The following SLC25A37 variants were observed in gnomAD, a reference collection of about 807,000 sequenced individuals.
SLC25A37 encodes the protein solute carrier family 25 member 37, also known as mitoferrin-1.
SLC25A37 carries 17 observed loss-of-function variants against 31.0 expected under a neutral mutation model. The observed-to-expected ratio is 0.55, with a 90% CI of 0.38 to 0.82. SLC25A37 has a LOEUF of 0.82. Among genes scored for constraint, SLC25A37 ranks in the 40% least tolerant of loss-of-function variants. The probability of loss-of-function intolerance (pLI) is 0.00; values close to 1 mark genes in which losing one functional copy is unlikely to be tolerated. For missense variants in SLC25A37, 404 were observed against 465.8 expected (o/e 0.87, Z 1.22); for synonymous variants, 222 against 193.0 (o/e 1.15, Z -1.24).
At chr8:23,554,440 G>T (rs776336835) in intron 1 of SLC25A37, among the ~76,000 whole-genome samples, 1 of 152,132 alleles carries the variant, frequency 6.6e-6, no homozygotes. Flanking sequence ...TTTCTGTCTC[G>T]CAGTGAGGTC....
In SLC25A37 at chr8:23,532,955, C is replaced by T. The variant is rs568904061; in HGVS notation, c.210+3743C>T. Among the ~76,000 whole-genome samples, 11 of 152,320 alleles carry T rather than the reference C, an allele frequency of 7.2e-5. No homozygotes were observed. The East Asian group carries it at 7.7e-4, about 11-fold the overall frequency. The stretch of plus-strand genomic sequence containing the variant: ...TCCATGCCATTCAGCTTCAGAAGGG[C>T]GTGAAATCCCAAATTGCTCTAGTTC... On this transcript the variant is annotated intron_variant, in intron 1 of 3. Coordinates refer to ENST00000519973, the MANE Select transcript of SLC25A37 (RefSeq NM_016612.4).
chr8:23,553,823 C>T (rs1802293173), intron 1 of SLC25A37, among the ~76,000 whole-genome samples: 1 of 152,178 alleles, frequency 6.6e-6, no homozygotes, highest in African/African-American at 2.4e-5. Context: ...GGGCTGTTGA[C>T]TTTGCCTGTA....
At chr8:23,554,761 G>A (rs917252541) in intron 1 of SLC25A37, among the ~76,000 whole-genome samples, 2 of 152,232 alleles carry the variant, frequency 1.3e-5, no homozygotes, top group Non-Finnish European at 2.9e-5. Flanking sequence ...TGTGATGTTA[G>A]TGGTGGCCTG....
chr8:23,532,593 G>T (rs1206994255), intron 1 of SLC25A37, among the ~76,000 whole-genome samples: 1 of 152,206 alleles, frequency 6.6e-6, no homozygotes, highest in African/African-American at 2.4e-5. Context: ...AAACAGGAAA[G>T]ATTTGAAGCC....
chr8:23,545,252 CGT>C (rs2117404774), intron 1 of SLC25A37, among the ~76,000 whole-genome samples: 2 of 152,306 alleles, frequency 1.3e-5, no homozygotes, highest in South Asian at 4.1e-4. Context: ...GGCTCAGATT[CGT>C]GTGTCACTTC....
chr8:23,564,506 A>C, intron 1 of SLC25A37, among the ~76,000 whole-genome samples: 1 of 145,642 alleles, frequency 6.9e-6, no homozygotes, highest in Admixed American at 6.8e-5. Flanking sequence ...GGAGGAAGGG[A>C]AGGGTGGGAG....
intron 3 of SLC25A37, chr8:23,568,862 G>A (rs1802739619): frequency 1.2e-5 from 2 of 172,000 alleles, no homozygotes. Context: ...AGAATCGCTT[G>A]AACCCAGCAG....
At chr8:23,538,522 C>T (rs1156305093) in intron 1 of SLC25A37, among the ~76,000 whole-genome samples, 1 of 108,934 alleles carries the variant, frequency 9.2e-6, no homozygotes, top group East Asian at 2.7e-4. Context: ...CGTTGTTTGT[C>T]GTGTGTGTGT....
chr8:23,559,693 C>CT (rs1802464499), intron 1 of SLC25A37, among the ~76,000 whole-genome samples: 1 of 152,174 alleles, frequency 6.6e-6, no homozygotes, highest in Non-Finnish European at 1.5e-5. Context: ...CCCCATTCCA[C>CT]TTTTTGTCTA....
In SLC25A37 at chr8:23,529,819, T is replaced by A. The variant is rs938588664; in HGVS notation, c.210+607T>A. Among the ~76,000 whole-genome samples the A allele has an allele frequency of 6.6e-6, 1 of 151,970 alleles. No homozygotes were observed. The highest frequency in any genetic ancestry group is 2.4e-5 in the African/African-American group (1 of 41,368). On this transcript the variant is annotated intron_variant, in intron 1 of 3. Transcript: ENST00000519973. The surrounding 1 kb of genome is among the most constrained non-coding windows in gnomAD (Gnocchi z 4.1). ...GCCCGTGGGATCCCCTTTCTGAGGG[T>A]TCCTGCACTTCTTCCCCCGACTTTG...
chr8:23,560,539 T>C (rs1160547015), intron 1 of SLC25A37, among the ~76,000 whole-genome samples: 1 of 152,226 alleles, frequency 6.6e-6, no homozygotes, highest in African/African-American at 2.4e-5. Context: ...GGGTGCTCCC[T>C]GCAGGCAGGT....
In SLC25A37 at chr8:23,572,740, G is replaced by A. The variant is rs10100306; in HGVS notation, c.*885G>A. 10,534 of 151,982 alleles carry A rather than the reference G, an allele frequency of 0.069. 412 individuals carry two copies. The highest frequency in any genetic ancestry group is 0.1 in the South Asian group (502 of 4,820). The allele number at this position is 151,982 out of a possible 1,614,324, so 9.4% of individuals were successfully genotyped here. On this transcript the variant is annotated 3_prime_UTR_variant, in exon 4 of 4. Transcript: ENST00000519973. ...ATTTTCTCTTGCTGTGTACACACAC[G>A]CACACATGCTGGGTGGCAGGATCTC... is the stretch of plus-strand genomic sequence containing the variant.
chr8:23,548,477 CTTTTTTTTT>C (rs143771739), intron 1 of SLC25A37, among the ~76,000 whole-genome samples: 2 of 115,990 alleles, frequency 1.7e-5, no homozygotes, highest in African/African-American at 7.1e-5. Context: ...CACGTCCGGG[CTTTTTTTTT>C]TTTTTTTTTT....
chr8:23,569,402 T>TAC (rs10608830), intron 3 of SLC25A37, among the ~76,000 whole-genome samples: 1,570 of 150,168 alleles, frequency 0.01, 13 homozygotes, highest in Non-Finnish European at 0.014. Flanking sequence ...TATGTGTGCA[T>TAC]ACACACACAC....
intron 1 of SLC25A37, among the ~76,000 whole-genome samples, chr8:23,545,698 A>G (rs1289498056): frequency 2.0e-5 from 3 of 152,200 alleles, no homozygotes; most frequent in Non-Finnish European, 4.4e-5. Flanking sequence ...GAAGCATAGA[A>G]AATGCCCTGT....
intron 2 of SLC25A37, chr8:23,566,870 C>G (rs1802675891): frequency 1.0e-6 from 1 of 970,952 alleles, no homozygotes; most frequent in Non-Finnish European, 1.2e-6. Context: ...CCTTTCCCAC[C>G]TTAAGCTTCC....
At chr8:23,535,242 C>T (rs1801742392) in intron 1 of SLC25A37, among the ~76,000 whole-genome samples, 2 of 152,310 alleles carry the variant, frequency 1.3e-5, no homozygotes, top group South Asian at 2.1e-4. Flanking sequence ...TTCACACTGC[C>T]TCCAATGCGC....
In SLC25A37 at chr8:23,572,469, G is replaced by C. The variant is rs1355552976; in HGVS notation, c.*614G>C. The C allele has an allele frequency of 1.3e-5, 2 of 152,506 alleles. No homozygotes were observed. The highest frequency in any genetic ancestry group is 2.9e-5 in the Non-Finnish European group (2 of 68,032). 9.4% of individuals were successfully genotyped at this position (152,506 alleles called of 1,614,324 possible). The stretch of plus-strand genomic sequence containing the variant: ...AAAAAGGCAACAAAGTAATAAATCA[G>C]TGAATGTGGCCGGCAGCTGTGTTTA... On this transcript the variant is annotated 3_prime_UTR_variant, in exon 4 of 4. Coordinates refer to ENST00000519973, the MANE Select transcript of SLC25A37 (RefSeq NM_016612.4).
chr8:23,534,679 A>C (rs1319045070), intron 1 of SLC25A37, among the ~76,000 whole-genome samples: 4 of 152,102 alleles, frequency 2.6e-5, no homozygotes, highest in Non-Finnish European at 5.9e-5. Context: ...GTTAGGTGTG[A>C]CCTTGGGCAA....
Sources: gnomAD v4.1 joint callset for allele counts (sites outside exome capture counted in the v4.1 genomes callset) on GRCh38, gnomAD v4.1.1 for gene constraint, Gnocchi (gnomAD v3.1) non-coding constraint, MANE v1.5 for transcripts, NCBI Gene and HGNC (gene_info 2026-07-23, HGNC 2026-07-21) for gene names.